Variants in APOBEC3D observed in about 807,000 individuals in gnomAD.
The protein encoded by APOBEC3D is apolipoprotein B mRNA editing enzyme catalytic subunit 3D, also known as DNA dC->dU-editing enzyme APOBEC-3D.
In APOBEC3D, 37 loss-of-function variants were observed where a neutral mutation model predicts 45.6. The ratio of observed to expected loss-of-function variants is 0.81; its 90% CI spans 0.62 to 1.07. APOBEC3D has a LOEUF of 1.07. APOBEC3D is among the 50% of genes least tolerant of loss of function. The probability of loss-of-function intolerance (pLI) is 0.00; values close to 1 mark genes in which losing one functional copy is unlikely to be tolerated. For synonymous variants in APOBEC3D, 175 were observed against 180.7 expected (o/e 0.97, Z 0.25); for missense variants, 496 against 495.3 (o/e 1.00, Z -0.01).
In APOBEC3D at chr22:39,025,325, C is replaced by A; in HGVS notation, c.466C>A (p.Arg156Ser). 1.2e-6 allele frequency: 2 copies of A among 1,614,040 alleles called. No homozygotes were observed. Among genetic ancestry groups the A allele is most frequent in the Non-Finnish European group, 1.7e-6 (2 of 1,179,986 alleles). The stretch of plus-strand genomic sequence containing the variant: ...CCTCAGGCTGCATAAGGCAGGGGCC[C>A]GTGTGAAGATCATGGACTATGAAGG... ...VLLRLHKAGARVKIMDYEDFA... is the reference protein window; with the variant it reads ...VLLRLHKAGASVKIMDYEDFA... Residue 156 changes from arginine to serine, a missense_variant, in exon 3 of 7, where the codon CGT becomes AGT. Coordinates refer to ENST00000216099, the MANE Select transcript of APOBEC3D (RefSeq NM_152426.4).
Position 39,021,618 on chromosome 22 carries a change from C to G in APOBEC3D, c.17+82C>G, listed in dbSNP as rs1603274776. 3.8e-6 allele frequency: 6 copies of G among 1,590,542 alleles called. 1 individual carries two copies. In the South Asian group the frequency reaches 6.6e-5, roughly 18 times the overall value. On this transcript the variant is annotated intron_variant, in intron 1 of 6. Transcript: ENST00000216099. ...TGCTGGGCCTCAGCCCTGGCCTCCC[C>G]CTGCCCCAGCCCCAGCCCTGGACTT...
chr22:39,028,762 C>T (rs1281214138), intron 4 of APOBEC3D, among the ~76,000 whole-genome samples: 2 of 152,080 alleles, frequency 1.3e-5, no homozygotes, highest in Non-Finnish European at 2.9e-5. Context: ...GGTGAAACCC[C>T]GTCTCTACTA....
rs114229069 is a variant in APOBEC3D at position 39,025,504 on chromosome 22, G to C, written c.491-53G>C. On this transcript the variant is annotated intron_variant, in intron 3 of 6. Transcript: ENST00000216099. ...ACAGCCAGGAGACCAGGCCTGGGAG[G>C]GCAGGCCCAGGGTCAGGGGAGAGCC... 3.8e-4 allele frequency: 614 copies of C among 1,613,930 alleles called. 1 individual carries two copies. In the African/African-American group the frequency reaches 6.6e-3, roughly 17 times the overall value.
intron 1 of APOBEC3D, 31 bp downstream of exon 1, chr22:39,021,567 C>T (rs1925109948): frequency 1.2e-6 from 2 of 1,611,802 alleles, no homozygotes; most frequent in African/African-American, 1.4e-5. Flanking sequence ...CGCAGGGCCC[C>T]TCCGGCCCCT....
chr22:39,025,111 A>T lies in APOBEC3D; in HGVS notation c.252A>T (p.Leu84Phe), dbSNP rs1203774685. 6.2e-7 allele frequency: 1 copy of T among 1,606,272 alleles called. No homozygotes were observed. The highest frequency in any genetic ancestry group is 1.7e-5 in the Admixed American group (1 of 59,166). ...AGAACCACGCAGAAATGTGCTTCTTATCTTGGTTCTGTGGCAACCGACTGC... is the reference window on the plus strand; with the variant it reads ...AGAACCACGCAGAAATGTGCTTCTTTTCTTGGTTCTGTGGCAACCGACTGC... Reference protein sequence around the residue: ...RFENHAEMCFLSWFCGNRLPA... With the variant: ...RFENHAEMCFFSWFCGNRLPA... The change falls in exon 3 of 7, where the codon TTA becomes TTT. Residue 84 changes from leucine (L) to phenylalanine (F), a missense_variant. Leu to Phe is a conservative substitution (Grantham distance 22, BLOSUM62 0). Coordinates refer to ENST00000216099, the MANE Select transcript of APOBEC3D (RefSeq NM_152426.4).
In APOBEC3D at chr22:39,025,189, G is replaced by A. The variant is rs540957895; in HGVS notation, c.330G>A (p.Leu110=). ...GGTTTGTATCATGGAACCCCTGCCT[G>A]CCCTGTGTGGTGAAGGTGACCAAAT... ...ITWFVSWNPC[L]PCVVKVTKFL... The change falls in exon 3 of 7, where the codon CTG becomes CTA. Residue 110 remains leucine (L), a synonymous_variant. Coordinates refer to ENST00000216099, the MANE Select transcript of APOBEC3D (RefSeq NM_152426.4). 3.1e-6 allele frequency: 5 copies of A among 1,614,140 alleles called. No homozygotes were observed. The African/African-American group carries it at 4.0e-5, about 13-fold the overall frequency.
chr22:39,029,178 C>G lies in APOBEC3D; in HGVS notation c.606-185C>G, dbSNP rs138570752. Among the ~76,000 whole-genome samples, 492 of 152,278 alleles carry G rather than the reference C, an allele frequency of 3.2e-3. 7 individuals carry two copies. Among genetic ancestry groups the G allele is most frequent in the African/African-American group, 0.011 (466 of 41,556 alleles). On this transcript the variant is annotated intron_variant, in intron 4 of 6. Transcript: ENST00000216099. ...GCTAGGAGAGGTCACCCTGTCCCTGCTGCCCCTGCCAGTACCCCCTCCTCT... is the reference window on the plus strand; with the variant it reads ...GCTAGGAGAGGTCACCCTGTCCCTGGTGCCCCTGCCAGTACCCCCTCCTCT...
At chr22:39,021,776 TC>T (rs1925135642) in intron 1 of APOBEC3D, among the ~76,000 whole-genome samples, 1 of 152,170 alleles carries the variant, frequency 6.6e-6, no homozygotes, top group Admixed American at 6.5e-5. Context: ...CTGAGACTCT[TC>T]CCTGAAAGTC....
chr22:39,029,313 C>T, intron 4 of APOBEC3D, 50 bp from the exon 5 acceptor site: 2 of 1,602,720 alleles, frequency 1.2e-6, no homozygotes, highest in African/African-American at 1.3e-5. Context: ...GTTCAGTGGG[C>T]ATCAGCTCCG....
chr22:39,031,845 C>T lies in APOBEC3D; in HGVS notation c.914C>T (p.Ala305Val), dbSNP rs752307305. The T allele has an allele frequency of 6.1e-5, 99 of 1,614,060 alleles. 1 individual carries two copies. The highest frequency in any genetic ancestry group is 7.6e-5 in the Non-Finnish European group (90 of 1,180,044). ...ECAGEVAEFLARHSNVNLTIF... is the reference protein window; with the variant it reads ...ECAGEVAEFLVRHSNVNLTIF... ...GCAGGGGAGGTGGCCGAGTTCCTGG[C>T]CAGGCACAGCAACGTGAATCTCACC... Residue 305 changes from alanine to valine, a missense_variant, in exon 6 of 7, where the codon GCC (alanine) becomes GTC (valine). Coordinates refer to ENST00000216099, the MANE Select transcript of APOBEC3D (RefSeq NM_152426.4).
intron 4 of APOBEC3D, 122 bp downstream of exon 4, chr22:39,025,793 C>T (rs1293743284): frequency 4.5e-6 from 7 of 1,553,600 alleles, no homozygotes; most frequent in Non-Finnish European, 6.1e-6. Flanking sequence ...CTCATGGTTA[C>T]ACCCCCTCAC....
chr22:39,022,937 C>T lies in APOBEC3D; in HGVS notation c.133C>T (p.Arg45Cys), dbSNP rs1470578854. Residue 45 changes from arginine to cysteine, a missense_variant, in exon 2 of 7, where the codon CGC becomes TGC. Transcript: ENST00000216099. ...CTATGAAGTGAAAATAAAGAGGGGC[C>T]GCTCAAATCTCCTTTGGGACACAGG... ...LCYEVKIKRG[R>C]SNLLWDTGVF... The T allele has an allele frequency of 6.8e-6, 11 of 1,613,694 alleles. No homozygotes were observed. The highest frequency in any genetic ancestry group is 2.2e-5 in the East Asian group (1 of 44,874).
In APOBEC3D at chr22:39,023,018, A is replaced by G. The variant is rs766248292; in HGVS notation, c.210+4A>G. The G allele has an allele frequency of 2.7e-5, 43 of 1,578,740 alleles. No individual in the cohort carries two copies. The Admixed American group carries it at 7.7e-4, about 28-fold the overall frequency. Reference sequence around the variant, plus strand: ...TCAGTCGAATCACAGGCAGGAGGTAAGCAGCTGGGAATGCAGAAAACACAT... The same window carrying G: ...TCAGTCGAATCACAGGCAGGAGGTAGGCAGCTGGGAATGCAGAAAACACAT... On this transcript the variant is annotated splice_donor_region_variant and intron_variant, in intron 2 of 6. Coordinates refer to ENST00000216099, the MANE Select transcript of APOBEC3D (RefSeq NM_152426.4).
At chr22:39,028,496 C>T (rs1294582526) in intron 4 of APOBEC3D, among the ~76,000 whole-genome samples, 1 of 152,208 alleles carries the variant, frequency 6.6e-6, no homozygotes, top group Admixed American at 6.5e-5. Context: ...CAGACATATG[C>T]AGCACTTAGG....
rs1926299875 is a variant in APOBEC3D, at chr22:39,032,265, A to G, written c.1110A>G (p.Leu370=). 2 of 1,614,102 alleles carry G rather than the reference A, an allele frequency of 1.2e-6. No individual in the cohort carries two copies. The highest frequency in any genetic ancestry group is 8.5e-7 in the Non-Finnish European group (1 of 1,180,036). The change falls in exon 7 of 7, where the codon CTA becomes CTG. Residue 370 remains leucine, a synonymous_variant. Coordinates refer to ENST00000216099, the MANE Select transcript of APOBEC3D (RefSeq NM_152426.4). ...AGCCATTCAAGCCTTGGAAGGGACT[A>G]CAAACCAACTTTCGACTTCTGAAAA... ...DDEPFKPWKG[L]QTNFRLLKRR...
chr22:39,025,801 C>A, intron 4 of APOBEC3D, 130 bp downstream of exon 4: 14 of 1,540,698 alleles, frequency 9.1e-6, no homozygotes, highest in Non-Finnish European at 1.2e-5. Context: ...TACACCCCCT[C>A]ACCCACACTC....
chr22:39,021,677 C>T lies in APOBEC3D; in HGVS notation c.17+141C>T. The T allele has an allele frequency of 1.0e-5, 12 of 1,187,392 alleles. No homozygotes were observed. In the South Asian group the frequency reaches 1.5e-4, roughly 15 times the overall value. 73.6% of individuals were successfully genotyped at this position (1,187,392 alleles called of 1,614,324 possible). On this transcript the variant is annotated intron_variant, in intron 1 of 6. Coordinates refer to ENST00000216099, the MANE Select transcript of APOBEC3D (RefSeq NM_152426.4). ...CTGGCTTCCCTGCCGCCCCCACTCC[C>T]AGCCAGACTCCTTGCCCTGCTGTGT... is the stretch of plus-strand genomic sequence containing the variant.
In APOBEC3D at chr22:39,033,002, C is replaced by CAGCCTGGCTCA. The variant is rs1407481126; in HGVS notation, c.*688_*689insCCTGGCTCAAG. 1 of 151,214 alleles carries CAGCCTGGCTCA rather than the reference C, an allele frequency of 6.6e-6. No individual in the cohort carries two copies. The highest frequency in any genetic ancestry group is 2.4e-5 in the African/African-American group (1 of 40,876). The allele number at this position is 151,214 out of a possible 1,614,324, so 9.4% of individuals were successfully genotyped here. A position where few individuals can be genotyped will look rare whatever the true frequency, so the allele number is the denominator to read the frequency against. On this transcript the variant is annotated 3_prime_UTR_variant, in exon 7 of 7. Coordinates refer to ENST00000216099, the MANE Select transcript of APOBEC3D (RefSeq NM_152426.4). ...CAGAGGTGGGAGAATCGCTTGAGCC[C>CAGCCTGGCTCA]AGAAGTTTGAGACCAGCCTGGGCCA... is the stretch of plus-strand genomic sequence containing the variant.
intron 4 of APOBEC3D, among the ~76,000 whole-genome samples, chr22:39,028,078 G>C (rs1415282387): frequency 1.3e-5 from 2 of 152,154 alleles, no homozygotes; most frequent in Non-Finnish European, 1.5e-5. Context: ...TTAAGAGAGG[G>C]TGTGGGGGAG....
Sources: allele counts gnomAD v4.1 joint callset (sites outside exome capture counted in the v4.1 genomes callset), GRCh38; gene constraint gnomAD v4.1.1; transcripts MANE v1.5; gene names NCBI Gene and HGNC (gene_info 2026-07-23, HGNC 2026-07-21).